The following OSBPL1A variants were observed in gnomAD, a reference collection of about 807,000 sequenced individuals.
The protein encoded by OSBPL1A is oxysterol binding protein like 1A, also known as oxysterol-binding protein-related protein 1.
A neutral mutation model predicts 137.1 loss-of-function variants in OSBPL1A; 80 were observed. That is an observed-to-expected ratio of 0.58 (90% CI 0.49 to 0.70). OSBPL1A has a LOEUF of 0.70. Ranked by LOEUF, OSBPL1A falls within the 30% of genes least tolerant of loss-of-function variation. The pLI is 0.00. For missense variants in OSBPL1A, 970 were observed against 1,129.4 expected (o/e 0.86, Z 2.02); for synonymous variants, 365 against 389.7 (o/e 0.94, Z 0.75).
intron 15 of OSBPL1A, among the ~76,000 whole-genome samples, chr18:24,278,552 C>A (rs925833876): frequency 1.3e-5 from 2 of 152,042 alleles, no homozygotes; most frequent in African/African-American, 4.8e-5. Context: ...ATCTAAATAA[C>A]CTAAAGAATT....
intron 17 of OSBPL1A, among the ~76,000 whole-genome samples, chr18:24,204,146 G>C (rs188775578): frequency 6.6e-6 from 1 of 152,138 alleles, no homozygotes; most frequent in Non-Finnish European, 1.5e-5. Context: ...TAACAATTTC[G>C]TATCTCACCA....
intron 15 of OSBPL1A, among the ~76,000 whole-genome samples, chr18:24,244,140 T>C (rs1048633107): frequency 1.3e-5 from 2 of 152,220 alleles, no homozygotes; most frequent in Non-Finnish European, 2.9e-5. Context: ...TCCAAATTCT[T>C]AGTTGCAAGC....
intron 25 of OSBPL1A, 148 bp from the exon 26 acceptor site, chr18:24,166,850 A>C (rs973672648): frequency 1.2e-6 from 1 of 829,496 alleles, no homozygotes; most frequent in African/African-American, 1.7e-5. Context: ...CACGTATCTA[A>C]ATGTTTTCAC....
chr18:24,278,979 G>A (rs1329702139), intron 15 of OSBPL1A, among the ~76,000 whole-genome samples: 2 of 152,140 alleles, frequency 1.3e-5, no homozygotes, highest in African/African-American at 4.8e-5. Flanking sequence ...GAACAATTAT[G>A]TTTTCCTGTG....
intron 7 of OSBPL1A, among the ~76,000 whole-genome samples, chr18:24,319,999 A>AT (rs2090817287): frequency 6.6e-6 from 1 of 151,448 alleles, no homozygotes; most frequent in African/African-American, 2.4e-5. Context: ...AAAAAAAAAA[A>AT]TTTAATTAGC....
chr18:24,260,624 T>C (rs1454767679), intron 15 of OSBPL1A, among the ~76,000 whole-genome samples: 1 of 152,102 alleles, frequency 6.6e-6, no homozygotes, highest in East Asian at 1.9e-4. Context: ...AGCAGATTCG[T>C]GGTTTTCAGG....
chr18:24,310,508 A>T (rs2090600424), intron 13 of OSBPL1A, among the ~76,000 whole-genome samples: 1 of 146,418 alleles, frequency 6.8e-6, no homozygotes, highest in South Asian at 2.2e-4. Context: ...AGGCTGAGGC[A>T]GGGGAATGGC....
intron 15 of OSBPL1A, among the ~76,000 whole-genome samples, chr18:24,263,729 G>A (rs1039862179): frequency 5.9e-5 from 9 of 152,026 alleles, no homozygotes; most frequent in East Asian, 1.9e-4. Flanking sequence ...TCCACCTCCC[G>A]GGTTCAAGTG....
chr18:24,180,461 T>TTGTG lies in OSBPL1A; in HGVS notation c.1813-630_1813-627dup, dbSNP rs57229701. ...GTAAGCACAAACATATTTTTCTATT[T>TTGTG]TGTGTGTGTGTGTGTGTGTGTGTAT... On this transcript the variant is annotated intron_variant, in intron 19 of 27. Coordinates refer to ENST00000319481, the MANE Select transcript of OSBPL1A (RefSeq NM_080597.4). Among the ~76,000 whole-genome samples the TTGTG allele has an allele frequency of 1.1e-4, 16 of 150,246 alleles. No homozygotes were observed. In the South Asian group the frequency reaches 1.7e-3, roughly 16 times the overall value.
At chr18:24,201,725 T>C (rs368019974) in intron 17 of OSBPL1A, among the ~76,000 whole-genome samples, 1 of 151,774 alleles carries the variant, frequency 6.6e-6, no homozygotes, top group East Asian at 1.9e-4. Flanking sequence ...GCTGTGCCAC[T>C]GCACTCCCAC....
At chr18:24,209,231 C>CTT (rs1257425505) in intron 17 of OSBPL1A, among the ~76,000 whole-genome samples, 1 of 152,078 alleles carries the variant, frequency 6.6e-6, no homozygotes, top group Non-Finnish European at 1.5e-5. Context: ...TACTACAAAT[C>CTT]AATAATACAA....
intron 2 of OSBPL1A, among the ~76,000 whole-genome samples, chr18:24,373,323 T>C (rs1269665250): frequency 1.3e-5 from 2 of 152,222 alleles, no homozygotes; most frequent in Admixed American, 6.5e-5. Context: ...GTGACAGCAC[T>C]ACACAGAATT....
intron 7 of OSBPL1A, among the ~76,000 whole-genome samples, chr18:24,326,359 T>C (rs370256493): frequency 2.0e-5 from 3 of 152,330 alleles, no homozygotes; most frequent in East Asian, 3.9e-4. Context: ...TCTGTCCCTA[T>C]CCACATTGCC....
chr18:24,346,489 C>A (rs1194829141), intron 4 of OSBPL1A, among the ~76,000 whole-genome samples: 1 of 152,104 alleles, frequency 6.6e-6, no homozygotes, highest in Non-Finnish European at 1.5e-5. Flanking sequence ...CCTCATAATC[C>A]CCTAGTAACC....
At chr18:24,163,495 G>A (rs866870932) in intron 27 of OSBPL1A, among the ~76,000 whole-genome samples, 2 of 152,152 alleles carry the variant, frequency 1.3e-5, no homozygotes, top group African/African-American at 4.8e-5. Flanking sequence ...CCATGCAAAA[G>A]GCATATGGAT....
At chr18:24,346,946 T>G (rs1447680052) in intron 4 of OSBPL1A, among the ~76,000 whole-genome samples, 1 of 151,390 alleles carries the variant, frequency 6.6e-6, no homozygotes, top group Non-Finnish European at 1.5e-5. Flanking sequence ...GACAGGGTCT[T>G]GCTATGTTTC....
chr18:24,240,072 C>T (rs2088640919), intron 15 of OSBPL1A, among the ~76,000 whole-genome samples: 1 of 151,748 alleles, frequency 6.6e-6, no homozygotes, highest in Non-Finnish European at 1.5e-5. Context: ...TACAGTTGTG[C>T]ACCACCACAC....
chr18:24,332,914 C>T, intron 7 of OSBPL1A, 28 bp downstream of exon 7: 1 of 1,604,600 alleles, frequency 6.2e-7, no homozygotes, highest in Non-Finnish European at 8.5e-7. Flanking sequence ...TCAAAATGGC[C>T]AACGATGGTT....
At chr18:24,330,602 A>G (rs1336914469) in intron 7 of OSBPL1A, among the ~76,000 whole-genome samples, 1 of 151,214 alleles carries the variant, frequency 6.6e-6, no homozygotes, top group Non-Finnish European at 1.5e-5. Context: ...CTCCTGCCTC[A>G]GCCTCCTGAG....
Sources: gnomAD v4.1 joint callset for allele counts (sites outside exome capture counted in the v4.1 genomes callset) on GRCh38, gnomAD v4.1.1 for gene constraint, MANE v1.5 for transcripts, NCBI Gene and HGNC (gene_info 2026-07-23, HGNC 2026-07-21) for gene names.